Variants in PTAFR observed in about 807,000 individuals in gnomAD.
The protein encoded by PTAFR is platelet activating factor receptor, also known as platelet-activating factor receptor.
PTAFR carries 8 observed loss-of-function variants against 14.7 expected under a neutral mutation model. The ratio of observed to expected loss-of-function variants is 0.54; its 90% CI spans 0.32 to 0.98. PTAFR has a LOEUF of 0.98. PTAFR is among the 50% of genes least tolerant of loss of function. The probability of loss-of-function intolerance (pLI) is 0.04; values close to 1 mark genes in which losing one functional copy is unlikely to be tolerated. For missense variants in PTAFR, 337 were observed against 451.2 expected, an observed-to-expected ratio of 0.75 and a Z score of 2.29; for synonymous variants, 156 against 176.5, an observed-to-expected ratio of 0.88 and a Z score of 0.92.
intron 1 of PTAFR, among the ~76,000 whole-genome samples, chr1:28,175,529 G>A (rs1339337435): frequency 1.3e-5 from 2 of 151,970 alleles, no homozygotes; most frequent in Non-Finnish European, 2.9e-5. Context: ...GCAGCCAGAG[G>A]TGTGGGGAGA....
chr1:28,165,162 C>T lies in PTAFR; in HGVS notation c.-39+11430G>A, dbSNP rs116888351. ...CATGCCTATAATAATCCCAGCACTC[C>T]GGGAGGCTGAGGCAGGCAGATCACT... On this transcript the variant is annotated intron_variant, in intron 1 of 1. Coordinates refer to ENST00000373857, the MANE Select transcript of PTAFR (RefSeq NM_000952.5). 1.8e-3 allele frequency among the ~76,000 whole-genome samples: 272 copies of T among 152,152 alleles called. 4 individuals are homozygous for T. The East Asian group carries it at 0.042, about 24-fold the overall frequency.
rs1271437650 is a variant in PTAFR, at chr1:28,149,899, GA to G, written c.*93del. On this transcript the variant is annotated 3_prime_UTR_variant, in exon 2 of 2. Transcript: ENST00000373857. ...ATCTAATGGCCCACCAGTGCCCACAGAGGTGGTGCCCAGACCACAGTAGATA... is the reference window on the plus strand; with the variant it reads ...ATCTAATGGCCCACCAGTGCCCACAGGGTGGTGCCCAGACCACAGTAGATA... 1 of 1,457,626 alleles carries G rather than the reference GA, an allele frequency of 6.9e-7. No homozygotes were observed. The highest frequency in any genetic ancestry group is 1.4e-5 in the African/African-American group (1 of 70,488). 90.3% of individuals were successfully genotyped at this position (1,457,626 alleles called of 1,614,324 possible). A position where few individuals can be genotyped will look rare whatever the true frequency, so the allele number is the denominator to read the frequency against.
intron 1 of PTAFR, among the ~76,000 whole-genome samples, chr1:28,165,211 C>T (rs944622849): frequency 3.9e-5 from 6 of 151,920 alleles, no homozygotes; most frequent in African/African-American, 1.4e-4. Flanking sequence ...TTGAGACCAG[C>T]CTGGCTAACA....
At chr1:28,174,081 A>C (rs1219510574) in intron 1 of PTAFR, among the ~76,000 whole-genome samples, 1 of 152,086 alleles carries the variant, frequency 6.6e-6, no homozygotes, top group Non-Finnish European at 1.5e-5. Context: ...ACACACATGC[A>C]CACACAAAGA....
chr1:28,169,999 CA>C (rs55770214), intron 1 of PTAFR, among the ~76,000 whole-genome samples: 2,647 of 122,892 alleles, frequency 0.022, 40 homozygotes, highest in African/African-American at 0.05. Context: ...GACTCCATCT[CA>C]AAAAAAAAAA....
At position 28,170,203 on chromosome 1, in the gene PTAFR, G is replaced by A. The variant is rs11802641; in HGVS notation, c.-39+6389C>T. Reference sequence around the variant, plus strand: ...GGAATTCCCAAGGGCCAAGGCTTCTGGCATATCACCAATACCCATCACAGG... The same window carrying A: ...GGAATTCCCAAGGGCCAAGGCTTCTAGCATATCACCAATACCCATCACAGG... On this transcript the variant is annotated intron_variant, in intron 1 of 1. Coordinates refer to ENST00000373857, the MANE Select transcript of PTAFR (RefSeq NM_000952.5). 4.0e-3 allele frequency among the ~76,000 whole-genome samples: 614 copies of A among 152,172 alleles called. 7 individuals carry two copies. The highest frequency in any genetic ancestry group is 0.014 in the African/African-American group (595 of 41,510).
At chr1:28,183,152 A>G (rs369421926) in intron 1 of PTAFR, among the ~76,000 whole-genome samples, 18 of 152,282 alleles carry the variant, frequency 1.2e-4, no homozygotes, top group South Asian at 4.1e-4. Flanking sequence ...CTTGGGATAT[A>G]ATTTTCCTGT....
Position 28,154,521 on chromosome 1 carries a change from T to G in PTAFR, c.-38-3462A>C, listed in dbSNP as rs1029035558. Among the ~76,000 whole-genome samples, 4 of 151,122 alleles carry G rather than the reference T, an allele frequency of 2.6e-5. No individual in the cohort carries two copies. The East Asian group carries it at 7.8e-4, about 29-fold the overall frequency. On this transcript the variant is annotated intron_variant, in intron 1 of 1. Transcript: ENST00000373857. ...CCGTTGTTATACAAACAAACAGGAGTGCTGATTGGGCCGGCCGTGGTGGCT... is the reference window on the plus strand; with the variant it reads ...CCGTTGTTATACAAACAAACAGGAGGGCTGATTGGGCCGGCCGTGGTGGCT...
At chr1:28,158,760 C>T (rs1256106171) in intron 1 of PTAFR, among the ~76,000 whole-genome samples, 2 of 152,006 alleles carry the variant, frequency 1.3e-5, no homozygotes, top group Non-Finnish European at 2.9e-5. Flanking sequence ...GGAGTCTGGA[C>T]TTTATTCTGC....
intron 1 of PTAFR, among the ~76,000 whole-genome samples, chr1:28,171,060 C>T (rs192011256): frequency 1.3e-5 from 2 of 151,884 alleles, no homozygotes; most frequent in Non-Finnish European, 2.9e-5. Flanking sequence ...GGGTGGCTCA[C>T]ACCTGTAATC....
intron 1 of PTAFR, among the ~76,000 whole-genome samples, chr1:28,164,293 G>A (rs904459031): frequency 6.6e-6 from 1 of 152,224 alleles, no homozygotes; most frequent in Non-Finnish European, 1.5e-5. Context: ...ATATTTATAA[G>A]CTATAAATAA....
At chr1:28,160,199 A>T (rs1646306996) in intron 1 of PTAFR, among the ~76,000 whole-genome samples, 2 of 151,656 alleles carry the variant, frequency 1.3e-5, no homozygotes, top group Non-Finnish European at 2.9e-5. Context: ...TGGGCAACAG[A>T]GCCTCAAGAC....
intron 1 of PTAFR, among the ~76,000 whole-genome samples, chr1:28,186,891 C>G (rs1646611592): frequency 6.6e-6 from 1 of 152,192 alleles, no homozygotes; most frequent in South Asian, 2.1e-4. Flanking sequence ...TGCCATTGCA[C>G]TCCAGCCTGG....
At chr1:28,163,509 C>G (rs1646348753) in intron 1 of PTAFR, among the ~76,000 whole-genome samples, 1 of 152,204 alleles carries the variant, frequency 6.6e-6, no homozygotes, top group African/African-American at 2.4e-5. Flanking sequence ...TTAGGGAGAA[C>G]AAGGTCTCTG....
In PTAFR at chr1:28,150,660, C is replaced by T. The variant is rs202076178; in HGVS notation, c.362G>A (p.Arg121Gln). 173 of 1,614,076 alleles carry T rather than the reference C, an allele frequency of 1.1e-4. No homozygotes were observed. Among genetic ancestry groups the T allele is most frequent in the Middle Eastern group, 1.6e-4 (1 of 6,062 alleles). Residue 121 changes from arginine (R) to glutamine (Q), a missense_variant, in exon 2 of 2, where the codon CGG (arginine) becomes CAG (glutamine). Coordinates refer to ENST00000373857, the MANE Select transcript of PTAFR (RefSeq NM_000952.5). The surrounding 1 kb of genome is among the most constrained non-coding windows in gnomAD (Gnocchi z 6.3). ...GTTGGCCTGAGCAGTCTTGATGGGC[C>T]GAGTTACTGCCTGGAAGCGGTTATA... ...ITYNRFQAVT[R>Q]PIKTAQANTR... is the part of the protein sequence containing the mutation.
At chr1:28,152,326 G>A (rs1447520207) in intron 1 of PTAFR, among the ~76,000 whole-genome samples, 1 of 152,058 alleles carries the variant, frequency 6.6e-6, no homozygotes, top group African/African-American at 2.4e-5. Flanking sequence ...GTCTGCCCAG[G>A]CATGATGGCT....
intron 1 of PTAFR, among the ~76,000 whole-genome samples, chr1:28,156,134 G>A (rs1646260568): frequency 6.6e-6 from 1 of 151,726 alleles, no homozygotes. Flanking sequence ...GTGGTGGCAG[G>A]CACCTATAAT....
upstream of PTAFR, among the ~76,000 whole-genome samples, chr1:28,179,739 T>C (rs1444682422): frequency 6.6e-6 from 1 of 151,840 alleles, no homozygotes; most frequent in Non-Finnish European, 1.5e-5. Context: ...CTTGGGAGGT[T>C]GAGGCATGAG....
At chr1:28,157,970 AAC>A (rs1646284733) in intron 1 of PTAFR, among the ~76,000 whole-genome samples, 1 of 151,980 alleles carries the variant, frequency 6.6e-6, no homozygotes, top group South Asian at 2.1e-4. Context: ...ATGTGAACAG[AAC>A]ACACACACAG....
Sources: gnomAD v4.1 joint callset for allele counts (sites outside exome capture counted in the v4.1 genomes callset) on GRCh38, gnomAD v4.1.1 for gene constraint, Gnocchi (gnomAD v3.1) non-coding constraint, MANE v1.5 for transcripts, NCBI Gene and HGNC (gene_info 2026-07-23, HGNC 2026-07-21) for gene names.